The following CALB2 variants were observed in gnomAD, a reference collection of about 807,000 sequenced individuals.
CALB2 encodes the protein calretinin.
Under a neutral mutation model 45.9 loss-of-function variants are expected in CALB2, and 34 were observed. The observed-to-expected ratio is 0.74, with a 90% CI of 0.56 to 0.99. The LOEUF is 0.99. Ranked by LOEUF, CALB2 falls within the 50% of genes least tolerant of loss-of-function variation. The probability of loss-of-function intolerance (pLI) is 0.00; values close to 1 mark genes in which losing one functional copy is unlikely to be tolerated. For missense variants in CALB2, 344 were observed against 339.3 expected (o/e 1.01, Z -0.11); for synonymous variants, 142 against 129.6 (o/e 1.10, Z -0.65).
Position 71,385,531 on chromosome 16 carries a change from G to A in CALB2, c.628-46G>A, listed in dbSNP as rs192680537. 2.0e-5 allele frequency: 32 copies of A among 1,571,896 alleles called. No individual in the cohort carries two copies. The Admixed American group carries it at 3.2e-4, about 16-fold the overall frequency. On this transcript the variant is annotated intron_variant, in intron 9 of 10. Transcript: ENST00000302628. ...TCCCTGGAATGGGTCGGGACAGCAG[G>A]GGCCCAGGCTTTAGAGCTCTGGGTT...
intron 1 of CALB2, among the ~76,000 whole-genome samples, chr16:71,370,910 G>A (rs935137303): frequency 5.3e-5 from 8 of 152,228 alleles, no homozygotes; most frequent in African/African-American, 1.4e-4. Context: ...GGCTCAAGGC[G>A]TGAGAGCCTA....
chr16:71,389,416 C>G (rs2042610420), intron 10 of CALB2: 1 of 473,276 alleles, frequency 2.1e-6, no homozygotes, highest in Non-Finnish European at 4.2e-6. Flanking sequence ...TTTTCAAGTG[C>G]TTGCTGATGT....
chr16:71,388,996 T>G (rs531782405), intron 10 of CALB2, among the ~76,000 whole-genome samples: 82 of 53,024 alleles, frequency 1.5e-3, no homozygotes, highest in Non-Finnish European at 2.2e-3. Flanking sequence ...AGACTCCATC[T>G]CAAAAAAAAA....
chr16:71,385,540 C>A, intron 9 of CALB2, 37 bp from the exon 10 acceptor site: 1 of 1,597,104 alleles, frequency 6.3e-7, no homozygotes, highest in Non-Finnish European at 8.6e-7. Context: ...GGGGCCCAGG[C>A]TTTAGAGCTC....
Position 71,384,822 on chromosome 16 carries a change from A to G in CALB2, c.613A>G (p.Thr205Ala). 6.2e-7 allele frequency: 1 copy of G among 1,612,350 alleles called. No individual in the cohort carries two copies. Among genetic ancestry groups the G allele is most frequent in the Non-Finnish European group, 8.5e-7 (1 of 1,179,072 alleles). Residue 205 changes from threonine (T) to alanine (A), a missense_variant, in exon 9 of 11, where the codon ACA (threonine) becomes GCA (alanine). Physicochemically the swap from Thr to Ala is moderately conservative, Grantham distance 58. Coordinates refer to ENST00000302628, the MANE Select transcript of CALB2 (RefSeq NM_001740.5). Reference protein sequence around the residue: ...LTSEEFNAIFTFYDKDRSGYI... With the variant: ...LTSEEFNAIFAFYDKDRSGYI... ...CTCAGAGGAGTTTAACGCGATCTTC[A>G]CATTTTACGACAAGGTAAGAGAGGG...
At position 71,383,860 on chromosome 16, in the gene CALB2, A is replaced by T. The variant is rs12597011; in HGVS notation, c.478-110A>T. 3 of 1,267,480 alleles carry T rather than the reference A, an allele frequency of 2.4e-6. No individual in the cohort carries two copies. The South Asian group carries it at 3.7e-5, about 16-fold the overall frequency. The allele number at this position is 1,267,480 out of a possible 1,614,324, so 78.5% of individuals were successfully genotyped here. A position where few individuals can be genotyped will look rare whatever the true frequency, so the allele number is the denominator to read the frequency against. ...TCTTGGCCCCTACGGACCTCAGAGG[A>T]AGCATGAGCACGTGTCACCCGTCCT... On this transcript the variant is annotated intron_variant, in intron 6 of 10. Transcript: ENST00000302628.
chr16:71,380,210 CTT>C (rs2042470931), intron 4 of CALB2, among the ~76,000 whole-genome samples: 1 of 147,082 alleles, frequency 6.8e-6, no homozygotes, highest in African/African-American at 2.5e-5. Flanking sequence ...ACCCTTTTCT[CTT>C]TCTCAAAATC....
At chr16:71,372,842 T>A (rs1420315546) in intron 2 of CALB2, among the ~76,000 whole-genome samples, 2 of 152,166 alleles carry the variant, frequency 1.3e-5, no homozygotes. Context: ...AGAACCACTG[T>A]TCTAGAGCAA....
chr16:71,382,666 T>A (rs965957744), intron 4 of CALB2, 53 bp from the exon 5 acceptor site: 305 of 1,567,224 alleles, frequency 1.9e-4, no homozygotes, highest in Non-Finnish European at 2.5e-4. Flanking sequence ...GGAAGGGAGG[T>A]GGGTAGATTT....
intron 1 of CALB2, among the ~76,000 whole-genome samples, chr16:71,370,080 T>G (rs569357847): frequency 6.6e-6 from 1 of 152,272 alleles, no homozygotes; most frequent in South Asian, 2.1e-4. Flanking sequence ...GGAACTCAAA[T>G]CTCATTCTGC....
intron 10 of CALB2, among the ~76,000 whole-genome samples, chr16:71,387,507 G>C (rs987087949): frequency 6.6e-6 from 1 of 151,980 alleles, no homozygotes; most frequent in African/African-American, 2.4e-5. Flanking sequence ...ATTCCATTTG[G>C]ATGGTGCCTG....
intron 10 of CALB2, 165 bp from the exon 11 acceptor site, chr16:71,389,584 C>T (rs34538886): frequency 0.25 from 186,753 of 753,830 alleles, 27,294 homozygotes; most frequent in Non-Finnish European, 0.31. Context: ...CTTTAACCTC[C>T]ATCTGTCTGA....
rs988255646 is a variant in CALB2, at chr16:71,377,763, C to T, written c.342+16C>T. 1 of 1,599,182 alleles carries T rather than the reference C, an allele frequency of 6.3e-7. No homozygotes were observed. Among genetic ancestry groups the T allele is most frequent in the Non-Finnish European group, 8.6e-7 (1 of 1,166,572 alleles). On this transcript the variant is annotated intron_variant, in intron 4 of 10. Transcript: ENST00000302628. ...GTTTATGGAGGTGAGGCCAAGGCACCACCTTCTTTCTAAGCACTGGGACCT... is the reference window on the plus strand; with the variant it reads ...GTTTATGGAGGTGAGGCCAAGGCACTACCTTCTTTCTAAGCACTGGGACCT...
chr16:71,375,397 G>A (rs1451315826), intron 3 of CALB2, among the ~76,000 whole-genome samples: 1 of 152,046 alleles, frequency 6.6e-6, no homozygotes, highest in African/African-American at 2.4e-5. Context: ...GGTAATCAGT[G>A]ACCACAGTCA....
chr16:71,387,420 C>T (rs555161095), intron 10 of CALB2, among the ~76,000 whole-genome samples: 1 of 151,260 alleles, frequency 6.6e-6, no homozygotes, highest in African/African-American at 2.4e-5. Context: ...GAGAGAGCCG[C>T]GTGACTCTAA....
chr16:71,385,036 T>C (rs1356384049), intron 9 of CALB2, among the ~76,000 whole-genome samples, 200 bp downstream of exon 9: 1 of 152,150 alleles, frequency 6.6e-6, no homozygotes, highest in African/African-American at 2.4e-5. Flanking sequence ...GGTTGGTTTC[T>C]GCAGAGTGCA....
intron 8 of CALB2, 45 bp from the exon 9 acceptor site, chr16:71,384,738 A>T: frequency 6.9e-7 from 1 of 1,453,150 alleles, no homozygotes; most frequent in Non-Finnish European, 9.3e-7. Context: ...CCACACACAC[A>T]CCACTGCGCT....
intron 1 of CALB2, among the ~76,000 whole-genome samples, chr16:71,364,188 C>T (rs1025124229): frequency 9.9e-5 from 15 of 152,130 alleles, no homozygotes; most frequent in African/African-American, 3.6e-4. Flanking sequence ...CAGCCGGCAG[C>T]GGGGAGCAGC....
At chr16:71,387,408 AAG>A (rs1008690464) in intron 10 of CALB2, among the ~76,000 whole-genome samples, 1 of 152,062 alleles carries the variant, frequency 6.6e-6, no homozygotes, top group African/African-American at 2.4e-5. Flanking sequence ...AATGAGTAGA[AAG>A]AGAGAGCCGC....
Sources: gnomAD v4.1 joint callset for allele counts (sites outside exome capture counted in the v4.1 genomes callset) on GRCh38, gnomAD v4.1.1 for gene constraint, MANE v1.5 for transcripts, NCBI Gene and HGNC (gene_info 2026-07-23, HGNC 2026-07-21) for gene names.